ZNF521: variants seen among roughly 807,000 people sequenced by gnomAD.
The protein encoded by ZNF521 is LYST-interacting protein 3.
A neutral mutation model predicts 105.5 loss-of-function variants in ZNF521; 14 were observed. The ratio of observed to expected loss-of-function variants is 0.13; its 90% CI spans 0.09 to 0.21. The LOEUF is 0.21. ZNF521 is among the 10% of genes least tolerant of loss of function. The pLI is 1.00. For synonymous variants in ZNF521, 635 were observed against 606.0 expected (o/e 1.05, Z -0.70); for missense variants, 1,233 against 1,629.7 (o/e 0.76, Z 4.19).
intron 5 of ZNF521, among the ~76,000 whole-genome samples, chr18:25,142,017 C>T (rs574958874): frequency 6.6e-6 from 1 of 152,238 alleles, no homozygotes; most frequent in South Asian, 2.1e-4. Context: ...TTCTGCTATG[C>T]AAACATCATC....
At chr18:25,324,190 T>C (rs1282072635) in intron 2 of ZNF521, among the ~76,000 whole-genome samples, 2 of 152,120 alleles carry the variant, frequency 1.3e-5, no homozygotes, top group South Asian at 2.1e-4. Context: ...TTAGTAAATA[T>C]TATTTAGTGA....
At position 25,092,026 on chromosome 18, in the gene ZNF521, G is replaced by A; in HGVS notation, c.3714C>T (p.Ala1238=). The change falls in exon 6 of 8, where the codon GCC becomes GCT. Residue 1238 remains alanine, a synonymous_variant. Transcript: ENST00000361524. The part of the protein sequence containing the change: ...KLCSQTFDSP[A]KLQCHLIEHS... ...GCTCTATCAGGTGGCACTGGAGTTT[G>A]GCAGGAGAGTCAAAGGTCTGGCTGC... 1 of 1,613,988 alleles carries A rather than the reference G, an allele frequency of 6.2e-7. No homozygotes were observed. The highest frequency in any genetic ancestry group is 8.5e-7 in the Non-Finnish European group (1 of 1,179,910).
Position 25,145,608 on chromosome 18 carries a change from G to A in ZNF521, c.3658+49552C>T, listed in dbSNP as rs142914946. Among the ~76,000 whole-genome samples the A allele has an allele frequency of 4.3e-3, 662 of 152,278 alleles. 4 individuals are homozygous for A. The highest frequency in any genetic ancestry group is 0.015 in the African/African-American group (643 of 41,560). On this transcript the variant is annotated intron_variant, in intron 5 of 7. Transcript: ENST00000361524. ...CTTGGGTCTGTCACTGAGCACGAAT[G>A]ACCCGAGTGACAAATCCTGACATCC...
At chr18:25,113,393 T>A (rs1376101859) in intron 5 of ZNF521, among the ~76,000 whole-genome samples, 2 of 152,208 alleles carry the variant, frequency 1.3e-5, no homozygotes, top group Non-Finnish European at 2.9e-5. Context: ...CACATCTGCA[T>A]ATCCACTGGG....
intron 5 of ZNF521, among the ~76,000 whole-genome samples, chr18:25,114,290 A>G (rs896582762): frequency 1.3e-5 from 2 of 152,192 alleles, no homozygotes. Flanking sequence ...TACTGGTGGA[A>G]AAGAGGATGT....
At chr18:25,264,741 C>T (rs896516225) in intron 3 of ZNF521, among the ~76,000 whole-genome samples, 1 of 151,976 alleles carries the variant, frequency 6.6e-6, no homozygotes, top group African/African-American at 2.4e-5. Context: ...TAAACAAAAG[C>T]CCGAAAGTTC....
intron 5 of ZNF521, among the ~76,000 whole-genome samples, chr18:25,178,297 C>T (rs879267579): frequency 1.3e-5 from 2 of 152,152 alleles, no homozygotes; most frequent in African/African-American, 2.4e-5. Flanking sequence ...ACAACATGTG[C>T]GCTATTAAGA....
intron 5 of ZNF521, among the ~76,000 whole-genome samples, chr18:25,119,106 T>C (rs1163889177): frequency 6.6e-6 from 1 of 152,090 alleles, no homozygotes; most frequent in Non-Finnish European, 1.5e-5. Flanking sequence ...TTTCAAAATA[T>C]ATAAGGCAAA....
At chr18:25,245,724 T>C (rs1305998938) in intron 3 of ZNF521, among the ~76,000 whole-genome samples, 1 of 152,142 alleles carries the variant, frequency 6.6e-6, no homozygotes, top group Admixed American at 6.5e-5. Context: ...TTAAAATGCT[T>C]GTGCTCTGCT....
At position 25,251,889 on chromosome 18, in the gene ZNF521, A is replaced by G. The variant is rs558729828; in HGVS notation, c.221-24192T>C. 5.9e-5 allele frequency among the ~76,000 whole-genome samples: 9 copies of G among 152,328 alleles called. No individual in the cohort carries two copies. In the East Asian group the frequency reaches 1.5e-3, roughly 26 times the overall value. On this transcript the variant is annotated intron_variant, in intron 3 of 7. Transcript: ENST00000361524. ...CTGATTTCACACTGGTGATAGTTCA[A>G]TGGGAGTTTACCATGTAATTTACCC...
At chr18:25,197,770 C>T (rs1278907723) in intron 4 of ZNF521, among the ~76,000 whole-genome samples, 3 of 151,806 alleles carry the variant, frequency 2.0e-5, no homozygotes, top group African/African-American at 4.8e-5. Context: ...ATGACAATTA[C>T]ATTAGCCCCT....
At chr18:25,204,700 A>T (rs1306255699) in intron 4 of ZNF521, among the ~76,000 whole-genome samples, 1 of 152,054 alleles carries the variant, frequency 6.6e-6, no homozygotes, top group Non-Finnish European at 1.5e-5. Context: ...CACTGAAAAA[A>T]CTGTGCCCAA....
chr18:25,277,894 C>A (rs1209835786), intron 3 of ZNF521, among the ~76,000 whole-genome samples: 1 of 151,998 alleles, frequency 6.6e-6, no homozygotes, highest in Non-Finnish European at 1.5e-5. Flanking sequence ...TCAAGGATGC[C>A]ACAATCTTCC....
Position 25,224,896 on chromosome 18 carries a change from G to T in ZNF521, c.3022C>A (p.Gln1008Lys). The change falls in exon 4 of 8, where the codon CAA becomes AAA. Residue 1008 changes from glutamine to lysine, a missense_variant. Physicochemically the swap from Gln to Lys is moderately conservative, Grantham distance 53. This residue lies in a region of ZNF521 where 614 missense variants were observed against 751.5 expected (regional missense o/e 0.82). Transcript: ENST00000361524. Reference protein sequence around the residue: ...QSEEEFLEHCQMHPDLRNSLT... With the variant: ...QSEEEFLEHCKMHPDLRNSLT... ...GAATTCCTCAAGTCAGGGTGCATTT[G>T]GCAATGCTCTAAAAACTCCTCTTCA... The T allele has an allele frequency of 6.2e-7, 1 of 1,613,948 alleles. No individual in the cohort carries two copies. Among genetic ancestry groups the T allele is most frequent in the East Asian group, 2.2e-5 (1 of 44,846 alleles).
chr18:25,321,177 T>C (rs113029689), intron 3 of ZNF521, among the ~76,000 whole-genome samples: 42 of 151,904 alleles, frequency 2.8e-4, no homozygotes, highest in African/African-American at 9.2e-4. Flanking sequence ...CACATAGGAG[T>C]GGCATCAGCT....
intron 5 of ZNF521, among the ~76,000 whole-genome samples, chr18:25,111,377 C>T (rs147438320): frequency 3.9e-5 from 6 of 152,192 alleles, no homozygotes; most frequent in East Asian, 1.9e-4. Context: ...AGAAACCAGA[C>T]GATATTAGAA....
At chr18:25,349,610 G>A (rs916551020) in intron 2 of ZNF521, among the ~76,000 whole-genome samples, 1 of 152,154 alleles carries the variant, frequency 6.6e-6, no homozygotes, top group African/African-American at 2.4e-5. Flanking sequence ...GGGCCGGGAG[G>A]CGTGGGGCGC....
intron 7 of ZNF521, among the ~76,000 whole-genome samples, chr18:25,083,067 T>G (rs1039023335): frequency 6.6e-6 from 1 of 152,160 alleles, no homozygotes; most frequent in African/African-American, 2.4e-5. Context: ...TACACTCAGA[T>G]TCTACCTTGT....
At chr18:25,246,375 C>T (rs866362821) in intron 3 of ZNF521, among the ~76,000 whole-genome samples, 4 of 152,076 alleles carry the variant, frequency 2.6e-5, no homozygotes, top group Admixed American at 6.5e-5. Context: ...TGTTTCAGTG[C>T]GTATAACACC....
Sources: gnomAD v4.1 joint callset for allele counts (sites outside exome capture counted in the v4.1 genomes callset) on GRCh38, gnomAD v4.1.1 for gene constraint, gnomAD v4.1.1 regional missense constraint, MANE v1.5 for transcripts, NCBI Gene and HGNC (gene_info 2026-07-23, HGNC 2026-07-21) for gene names.